Variants in ITGB3BP observed in about 807,000 individuals in gnomAD.
The protein encoded by ITGB3BP is centromere protein R.
ITGB3BP carries 27 observed loss-of-function variants against 29.1 expected under a neutral mutation model. That is an observed-to-expected ratio of 0.93 (90% CI 0.68 to 1.28). The LOEUF is 1.28. Among genes scored for constraint, ITGB3BP ranks in the 50% most tolerant of loss-of-function variants. The pLI is 0.00. For missense variants in ITGB3BP, 192 were observed against 200.2 expected (o/e 0.96, Z 0.25); for synonymous variants, 61 against 61.4 (o/e 0.99, Z 0.03).
chr1:63,501,087 G>T (rs796916645), intron 2 of ITGB3BP, among the ~76,000 whole-genome samples: 3 of 151,982 alleles, frequency 2.0e-5, no homozygotes, highest in African/African-American at 7.3e-5. Flanking sequence ...CAAATGGTAG[G>T]GACTAGATTC....
At chr1:63,472,649 T>G (rs1645224749) in intron 4 of ITGB3BP, among the ~76,000 whole-genome samples, 1 of 151,338 alleles carries the variant, frequency 6.6e-6, no homozygotes, top group African/African-American at 2.4e-5. Context: ...TTTCGTTTTT[T>G]TTTTTTTGGT....
At position 63,488,343 on chromosome 1, in the gene ITGB3BP, A is replaced by G. The variant is rs1382115627; in HGVS notation, c.184+1740T>C. 3.9e-5 allele frequency among the ~76,000 whole-genome samples: 6 copies of G among 152,142 alleles called. No individual in the cohort carries two copies. In the East Asian group the frequency reaches 1.2e-3, roughly 29 times the overall value. ...GAGGCAGATGAGGTGTTTGGGTGTT[A>G]GATGGATATATGGCCTTCCATGTCA... is the stretch of plus-strand genomic sequence containing the variant. On this transcript the variant is annotated intron_variant, in intron 3 of 8. Coordinates refer to ENST00000271002, the MANE Select transcript of ITGB3BP (RefSeq NM_014288.5).
At chr1:63,447,064 T>G (rs1644799753) in intron 7 of ITGB3BP, 2 of 533,192 alleles carry the variant, frequency 3.8e-6, no homozygotes, top group South Asian at 5.0e-5. Context: ...ATTTTCAAAT[T>G]TATTACGAAA....
chr1:63,516,923 C>T (rs570455232), intron 1 of ITGB3BP, among the ~76,000 whole-genome samples: 9 of 151,964 alleles, frequency 5.9e-5, no homozygotes, highest in South Asian at 4.2e-4. Flanking sequence ...TGGGCACCTA[C>T]GAGCTCAAAC....
intron 1 of ITGB3BP, among the ~76,000 whole-genome samples, chr1:63,513,202 T>C (rs1274700089): frequency 6.6e-6 from 1 of 152,158 alleles, no homozygotes; most frequent in East Asian, 1.9e-4. Context: ...GATCATTCCT[T>C]TTATATTTAT....
At chr1:63,483,195 A>G (rs1216830058) in intron 3 of ITGB3BP, among the ~76,000 whole-genome samples, 1 of 152,134 alleles carries the variant, frequency 6.6e-6, no homozygotes, top group Non-Finnish European at 1.5e-5. Flanking sequence ...CTGATAACTG[A>G]TTTAAGTGTT....
In ITGB3BP at chr1:63,453,906, A is replaced by G. The variant is rs773966245; in HGVS notation, c.484+12T>C. 10 of 1,528,134 alleles carry G rather than the reference A, an allele frequency of 6.5e-6. No homozygotes were observed. The highest frequency in any genetic ancestry group is 9.0e-6 in the Non-Finnish European group (10 of 1,109,080). The allele number at this position is 1,528,134 out of a possible 1,614,324, so 94.7% of individuals were successfully genotyped here. On this transcript the variant is annotated intron_variant, in intron 7 of 8. Transcript: ENST00000271002. ...GCATCTTTATGTAATAAACTAAAACACAACTACTTACCTTTGTGAGGAAGT... is the reference window on the plus strand; with the variant it reads ...GCATCTTTATGTAATAAACTAAAACGCAACTACTTACCTTTGTGAGGAAGT...
Position 63,490,127 on chromosome 1 carries a change from G to GC in ITGB3BP, c.139_140insG (p.Pro47ArgfsTer5). On this transcript the variant is annotated frameshift_variant, in exon 3 of 9. Coordinates refer to ENST00000271002, the MANE Select transcript of ITGB3BP (RefSeq NM_014288.5). LOFTEE classifies it high-confidence loss of function. ...GTGCTTTTGCTCTTCAGAACTTGTG[G>GC]GAGAAGCAAATAGACTCATTTGACA... 6.2e-7 allele frequency: 1 copy of GC among 1,610,732 alleles called. No individual in the cohort carries two copies. The highest frequency in any genetic ancestry group is 8.5e-7 in the Non-Finnish European group (1 of 1,177,652).
intron 7 of ITGB3BP, among the ~76,000 whole-genome samples, chr1:63,448,257 C>A (rs1278569262): frequency 6.7e-6 from 1 of 148,750 alleles, no homozygotes; most frequent in Non-Finnish European, 1.5e-5. Context: ...TGCAGCACAC[C>A]AGCATGGCAC....
intron 3 of ITGB3BP, among the ~76,000 whole-genome samples, chr1:63,486,358 A>G (rs1645530318): frequency 6.6e-6 from 1 of 151,980 alleles, no homozygotes; most frequent in Non-Finnish European, 1.5e-5. Context: ...CAAATCCCCC[A>G]TGTAGTCAAA....
chr1:63,493,098 G>GCGCGCGCA (rs1645699212), intron 2 of ITGB3BP, among the ~76,000 whole-genome samples: 1 of 133,550 alleles, frequency 7.5e-6, no homozygotes, highest in South Asian at 2.7e-4. Flanking sequence ...ACGCGCGCGC[G>GCGCGCGCA]CGCAAGAAAA....
At chr1:63,524,889 T>C (rs1646556845), upstream of ITGB3BP, among the ~76,000 whole-genome samples, 1 of 152,198 alleles carries the variant, frequency 6.6e-6, no homozygotes, top group East Asian at 1.9e-4. Flanking sequence ...AGAGGTGCTA[T>C]ACAAACCCCA....
At position 63,453,897 on chromosome 1, in the gene ITGB3BP, A is replaced by C. The variant is rs768239691; in HGVS notation, c.484+21T>G. 15 of 1,460,732 alleles carry C rather than the reference A, an allele frequency of 1.0e-5. No homozygotes were observed. In the South Asian group the frequency reaches 1.8e-4, roughly 17 times the overall value. The allele number at this position is 1,460,732 out of a possible 1,614,324, so 90.5% of individuals were successfully genotyped here. On this transcript the variant is annotated intron_variant, in intron 7 of 8. Coordinates refer to ENST00000271002, the MANE Select transcript of ITGB3BP (RefSeq NM_014288.5). ...GGGATGAAAGCATCTTTATGTAATA[A>C]ACTAAAACACAACTACTTACCTTTG...
At chr1:63,469,309 C>A (rs961265755) in intron 4 of ITGB3BP, among the ~76,000 whole-genome samples, 1 of 151,708 alleles carries the variant, frequency 6.6e-6, no homozygotes, top group African/African-American at 2.4e-5. Flanking sequence ...CCTACTTGAC[C>A]ATAAATTATT....
At chr1:63,493,574 AAGG>A (rs1227110410) in intron 2 of ITGB3BP, among the ~76,000 whole-genome samples, 1 of 152,130 alleles carries the variant, frequency 6.6e-6, no homozygotes, top group Admixed American at 6.5e-5. Flanking sequence ...TACTTTTTAT[AAGG>A]AGGTCTAATC....
intron 3 of ITGB3BP, among the ~76,000 whole-genome samples, chr1:63,487,196 T>C (rs556537661): frequency 4.7e-4 from 71 of 152,158 alleles, no homozygotes; most frequent in African/African-American, 1.6e-3. Flanking sequence ...ATTTACAGTC[T>C]ATAAAGTTTG....
chr1:63,511,332 G>A (rs1646195606), intron 1 of ITGB3BP, among the ~76,000 whole-genome samples: 1 of 152,122 alleles, frequency 6.6e-6, no homozygotes, highest in Admixed American at 6.5e-5. Context: ...TAGAATCCCT[G>A]TGTACTGCTG....
intron 4 of ITGB3BP, among the ~76,000 whole-genome samples, chr1:63,467,877 G>A (rs141511401): frequency 6.6e-6 from 1 of 152,262 alleles, no homozygotes; most frequent in African/African-American, 2.4e-5. Flanking sequence ...CTTACATACT[G>A]TATCTTCTTT....
intron 4 of ITGB3BP, among the ~76,000 whole-genome samples, chr1:63,463,292 T>A (rs1645048391): frequency 7.0e-6 from 1 of 141,864 alleles, no homozygotes; most frequent in African/African-American, 2.6e-5. Flanking sequence ...ACAGGTGGGA[T>A]CCTCGCGGTG....
Sources: gnomAD v4.1 joint callset for allele counts (sites outside exome capture counted in the v4.1 genomes callset) on GRCh38, gnomAD v4.1.1 for gene constraint, MANE v1.5 for transcripts, NCBI Gene and HGNC (gene_info 2026-07-23, HGNC 2026-07-21) for gene names.